ARHGEF10L: variants seen among roughly 807,000 people sequenced by gnomAD.
The protein encoded by ARHGEF10L is Rho guanine nucleotide exchange factor 10 like, also known as rho guanine nucleotide exchange factor 10-like protein.
ARHGEF10L carries 69 observed loss-of-function variants against 141.2 expected under a neutral mutation model. The observed-to-expected ratio is 0.49, with a 90% CI of 0.40 to 0.60. ARHGEF10L has a LOEUF of 0.60. ARHGEF10L is among the 20% of genes least tolerant of loss of function. The pLI, the probability that ARHGEF10L is intolerant of heterozygous loss-of-function variation, is 0.00. For missense variants in ARHGEF10L, 1,482 were observed against 1,734.3 expected (o/e 0.85, Z 2.58); for synonymous variants, 711 against 718.5 (o/e 0.99, Z 0.17).
At chr1:17,566,247 G>A (rs2256784) in intron 1 of ARHGEF10L, among the ~76,000 whole-genome samples, 8,173 of 152,164 alleles carry the variant, frequency 0.054, 256 homozygotes, top group Non-Finnish European at 0.063. Context: ...GATGTTTAGC[G>A]GCTTCCCTGG....
chr1:17,598,356 C>A (rs1409431760), intron 4 of ARHGEF10L, among the ~76,000 whole-genome samples: 1 of 152,204 alleles, frequency 6.6e-6, no homozygotes, highest in East Asian at 1.9e-4. Flanking sequence ...CCCACCTTAA[C>A]CTTCCGAAGT....
chr1:17,556,533 G>T (rs2077333779), intron 1 of ARHGEF10L, among the ~76,000 whole-genome samples: 1 of 152,160 alleles, frequency 6.6e-6, no homozygotes, highest in African/African-American at 2.4e-5. Flanking sequence ...TGGTTTGCTG[G>T]GTTTCTTGGG....
At chr1:17,565,937 G>A (rs959684877) in intron 1 of ARHGEF10L, among the ~76,000 whole-genome samples, 23 of 152,228 alleles carry the variant, frequency 1.5e-4, no homozygotes, top group East Asian at 1.9e-4. Context: ...CAAGTAGGTC[G>A]TGGTCTCTGC....
Position 17,695,155 on chromosome 1 carries a change from C to T in ARHGEF10L, c.3185-3C>T, listed in dbSNP as rs751676349. ...ACTGCTCAGCCGCCCTCTCTTTCTG[C>T]AGGCCAGAAGCACTTGTGTGTCACC... On this transcript the variant is annotated splice_region_variant and splice_polypyrimidine_tract_variant and intron_variant, in intron 27 of 28. Coordinates refer to ENST00000361221, the MANE Select transcript of ARHGEF10L (RefSeq NM_018125.4). 1 of 1,612,748 alleles carries T rather than the reference C, an allele frequency of 6.2e-7. No homozygotes were observed. The highest frequency in any genetic ancestry group is 1.7e-5 in the Admixed American group (1 of 60,028).
At position 17,644,589 on chromosome 1, in the gene ARHGEF10L, TG is replaced by T. The variant is rs1256763304; in HGVS notation, c.2273-3963del. ...GAGGTCCAGCCCAGCCTGACATCTG[TG>T]GCTGTGGCCAGCAGCATCTCCATGG... On this transcript the variant is annotated intron_variant, in intron 21 of 28. Transcript: ENST00000361221. The surrounding 1 kb of genome is among the most constrained non-coding windows in gnomAD (Gnocchi z 4.5). Among the ~76,000 whole-genome samples, 1 of 152,206 alleles carries T rather than the reference TG, an allele frequency of 6.6e-6. No homozygotes were observed. The highest frequency in any genetic ancestry group is 1.5e-5 in the Non-Finnish European group (1 of 68,028).
At chr1:17,628,456 A>T (rs1557868159) in intron 15 of ARHGEF10L, among the ~76,000 whole-genome samples, 2 of 152,164 alleles carry the variant, frequency 1.3e-5, no homozygotes, top group African/African-American at 4.8e-5. Flanking sequence ...CTTCCCTCTC[A>T]GCACATGACA....
At chr1:17,664,407 C>A (rs112137144) in intron 25 of ARHGEF10L, 40 bp from the exon 26 acceptor site, 1 of 1,586,160 alleles carries the variant, frequency 6.3e-7, no homozygotes, top group South Asian at 1.1e-5. Flanking sequence ...ACCTGCTTGC[C>A]GCTCCTGGCC....
intron 1 of ARHGEF10L, among the ~76,000 whole-genome samples, chr1:17,575,850 C>T (rs376152050): frequency 6.6e-6 from 1 of 152,166 alleles, no homozygotes; most frequent in Non-Finnish European, 1.5e-5. Context: ...GTCTTTCCCC[C>T]CATTCCCCAC....
chr1:17,523,984 C>A, the ARHGEF10L span, among the ~76,000 whole-genome samples: 83,315 of 152,024 alleles, frequency 0.55, 23,448 homozygotes, highest in East Asian at 0.75. Flanking sequence ...TAAGAATGAA[C>A]TTGGACCTCC....
In ARHGEF10L at chr1:17,623,346, T is replaced by C. The variant is rs565412109; in HGVS notation, c.1200+171T>C. On this transcript the variant is annotated intron_variant, in intron 12 of 28. Transcript: ENST00000361221. This position sits in a 1 kb window ranked among gnomAD's most constrained non-coding sequence, Gnocchi z 4.7. ...CTGATCTAGGGGTGAGTGTGACACC[T>C]TGAAGTGGCCAGGATGTCCTTGGAT... Among the ~76,000 whole-genome samples, 4 of 152,204 alleles carry C rather than the reference T, an allele frequency of 2.6e-5. No individual in the cohort carries two copies. The South Asian group carries it at 8.3e-4, about 32-fold the overall frequency.
In ARHGEF10L at chr1:17,590,858, G is replaced by A. The variant is rs965181573; in HGVS notation, c.257+2379G>A. On this transcript the variant is annotated intron_variant, in intron 4 of 28. Coordinates refer to ENST00000361221, the MANE Select transcript of ARHGEF10L (RefSeq NM_018125.4). ...AAAAATTAGCCGGTCCTGGTGAACGGTGCCTGTAATTCCAGCTACTGGGGA... is the reference window on the plus strand; with the variant it reads ...AAAAATTAGCCGGTCCTGGTGAACGATGCCTGTAATTCCAGCTACTGGGGA... 3.9e-5 allele frequency among the ~76,000 whole-genome samples: 6 copies of A among 152,130 alleles called. No individual in the cohort carries two copies. In the East Asian group the frequency reaches 5.8e-4, roughly 15 times the overall value.
the ARHGEF10L span, among the ~76,000 whole-genome samples, chr1:17,518,130 G>T: frequency 4.6e-5 from 7 of 152,192 alleles, no homozygotes; most frequent in African/African-American, 1.7e-4. Context: ...TTAGCAAATG[G>T]GTGTGGCTGT....
chr1:17,674,816 G>A (rs1029006875), intron 26 of ARHGEF10L, among the ~76,000 whole-genome samples: 7 of 151,992 alleles, frequency 4.6e-5, no homozygotes, highest in South Asian at 4.1e-4. Flanking sequence ...TGTTACAGTC[G>A]CCTGCAGTGT....
At chr1:17,686,291 T>C (rs556538140) in intron 26 of ARHGEF10L, among the ~76,000 whole-genome samples, 1 of 151,944 alleles carries the variant, frequency 6.6e-6, no homozygotes, top group African/African-American at 2.4e-5. Flanking sequence ...GACATCTGAG[T>C]GTTGTAGATA....
Position 17,673,808 on chromosome 1 carries a change from G to A in ARHGEF10L, c.3009+9213G>A, listed in dbSNP as rs538706567. ...GGGGATAATTATAGAACCTGCCCCA[G>A]GACTAAGCAGCTCCGTGTACATGCA... On this transcript the variant is annotated intron_variant, in intron 26 of 28. Transcript: ENST00000361221. The surrounding 1 kb of genome is among the most constrained non-coding windows in gnomAD (Gnocchi z 4.1). 6.6e-6 allele frequency among the ~76,000 whole-genome samples: 1 copy of A among 152,316 alleles called. No individual in the cohort carries two copies. Among genetic ancestry groups the A allele is most frequent in the East Asian group, 1.9e-4 (1 of 5,180 alleles).
chr1:17,643,803 A>G (rs2061446357), intron 21 of ARHGEF10L, among the ~76,000 whole-genome samples: 1 of 152,216 alleles, frequency 6.6e-6, no homozygotes, highest in South Asian at 2.1e-4. Context: ...TCCTAGGTCA[A>G]GGAGTGTCTG....
chr1:17,548,505 T>C (rs1040517217), intron 1 of ARHGEF10L, among the ~76,000 whole-genome samples: 2 of 152,022 alleles, frequency 1.3e-5, no homozygotes, highest in Non-Finnish European at 2.9e-5. Context: ...TAAAGTAAGG[T>C]AGAGGGGTAC....
At chr1:17,632,679 C>G (rs959094708) in intron 16 of ARHGEF10L, among the ~76,000 whole-genome samples, 2 of 152,246 alleles carry the variant, frequency 1.3e-5, no homozygotes, top group African/African-American at 4.8e-5. Context: ...AGCCCTCAGC[C>G]TCGGGCACAC....
chr1:17,616,057 C>A (rs371111254), intron 8 of ARHGEF10L, 37 bp from the exon 9 acceptor site: 1 of 1,583,350 alleles, frequency 6.3e-7, no homozygotes, highest in South Asian at 1.1e-5. Context: ...CATCCCAGGC[C>A]GTCCCTTCCC....
Sources: allele counts gnomAD v4.1 joint callset (sites outside exome capture counted in the v4.1 genomes callset), GRCh38; gene constraint gnomAD v4.1.1; non-coding constraint Gnocchi (gnomAD v3.1); transcripts MANE v1.5; gene names NCBI Gene and HGNC (gene_info 2026-07-23, HGNC 2026-07-21).